The following KCNQ1 variants were observed in gnomAD, a reference collection of about 807,000 sequenced individuals.
KCNQ1 encodes potassium voltage-gated channel subfamily KQT member 1.
KCNQ1 carries 49 observed loss-of-function variants against 72.4 expected under a neutral mutation model. The ratio of observed to expected loss-of-function variants is 0.68; its 90% CI spans 0.54 to 0.86. The LOEUF (loss-of-function observed/expected upper bound fraction) is 0.86. KCNQ1 is among the 40% of genes least tolerant of loss of function. The probability of loss-of-function intolerance (pLI) is 0.00; values close to 1 mark genes in which losing one functional copy is unlikely to be tolerated. For missense variants in KCNQ1, 790 were observed against 945.1 expected (o/e 0.84, Z 2.15); for synonymous variants, 450 against 412.6 (o/e 1.09, Z -1.10).
chr11:2,687,618 C>G lies in KCNQ1; in HGVS notation c.1514+25537C>G, dbSNP rs566327231. ...AAAGGAAGGGGCAGAGATCCCTTCT[C>G]CATTCCTCTCAGGCCCCTGTAAAAA... On this transcript the variant is annotated intron_variant, in intron 11 of 15. Transcript: ENST00000155840. This position sits in a 1 kb window ranked among gnomAD's most constrained non-coding sequence, Gnocchi z 5.0. 2.5e-6 allele frequency: 1 copy of G among 398,770 alleles called. No homozygotes were observed. Among genetic ancestry groups the G allele is most frequent in the East Asian group, 3.6e-5 (1 of 28,078 alleles). The allele number at this position is 398,770 out of a possible 1,614,324, so 24.7% of individuals were successfully genotyped here.
chr11:2,461,885 G>C (rs557172112), intron 1 of KCNQ1: 2 of 469,416 alleles, frequency 4.3e-6, no homozygotes, highest in South Asian at 3.6e-5. Flanking sequence ...TGGGCAGGGA[G>C]AGAAATGGAT....
intron 1 of KCNQ1, among the ~76,000 whole-genome samples, chr11:2,469,346 T>C (rs1259019744): frequency 6.6e-6 from 1 of 152,054 alleles, no homozygotes; most frequent in African/African-American, 2.4e-5. Flanking sequence ...CTTGCTTGGC[T>C]CACTGCAACC....
At position 2,588,628 on chromosome 11, in the gene KCNQ1, G is replaced by A. The variant is rs1453968837; in HGVS notation, c.1252-85G>A. On this transcript the variant is annotated intron_variant, in intron 9 of 15. Transcript: ENST00000155840. This position sits in a 1 kb window ranked among gnomAD's most constrained non-coding sequence, Gnocchi z 5.6. ...GTATGTGGCGGGGGCTGGGCTCGGG[G>A]CGGCTGCACAGGCACTCTGGGGCCG... 3.2e-6 allele frequency: 5 copies of A among 1,558,284 alleles called. No homozygotes were observed. The highest frequency in any genetic ancestry group is 1.7e-5 in the Admixed American group (1 of 59,452).
intron 15 of KCNQ1, among the ~76,000 whole-genome samples, chr11:2,804,692 T>C (rs1246957392): frequency 6.6e-6 from 1 of 152,128 alleles, no homozygotes; most frequent in African/African-American, 2.4e-5. Flanking sequence ...GCAGCCACCA[T>C]TCTCCACACT....
intron 1 of KCNQ1, among the ~76,000 whole-genome samples, chr11:2,454,571 A>G (rs534507534): frequency 1.3e-5 from 2 of 152,336 alleles, no homozygotes; most frequent in Admixed American, 1.3e-4. Context: ...AGAGTGCTGC[A>G]TGGGAATTGC....
chr11:2,690,820 C>T lies in KCNQ1; in HGVS notation c.1514+28739C>T. The T allele has an allele frequency of 2.5e-6, 1 of 398,616 alleles. No homozygotes were observed. The allele number at this position is 398,616 out of a possible 1,614,324, so 24.7% of individuals were successfully genotyped here. On this transcript the variant is annotated intron_variant, in intron 11 of 15. Coordinates refer to ENST00000155840, the MANE Select transcript of KCNQ1 (RefSeq NM_000218.3). This position sits in a 1 kb window ranked among gnomAD's most constrained non-coding sequence, Gnocchi z 5.1. ...TCCCTGTCTCCTTGGCTTCCAGCTTCCAGGCTCTGGCACTCCCACTGTTAG... is the reference window on the plus strand; with the variant it reads ...TCCCTGTCTCCTTGGCTTCCAGCTTTCAGGCTCTGGCACTCCCACTGTTAG...
chr11:2,719,861 G>A (rs1053279486), intron 11 of KCNQ1, among the ~76,000 whole-genome samples: 9 of 152,316 alleles, frequency 5.9e-5, no homozygotes, highest in African/African-American at 2.4e-5. Context: ...GGAGGTGTCC[G>A]AATAGTCCAT....
chr11:2,781,112 T>A lies in KCNQ1; in HGVS notation c.1794+3075T>A, dbSNP rs540104785. ...AATGAGAGGGTTTGACTCCTGCTTG[T>A]GTCCTTAGGGTCAAAAGTCACAAAA... On this transcript the variant is annotated intron_variant, in intron 15 of 15. Coordinates refer to ENST00000155840, the MANE Select transcript of KCNQ1 (RefSeq NM_000218.3). This position sits in a 1 kb window ranked among gnomAD's most constrained non-coding sequence, Gnocchi z 6.6. Among the ~76,000 whole-genome samples the A allele has an allele frequency of 2.0e-5, 3 of 152,264 alleles. No homozygotes were observed. The South Asian group carries it at 6.2e-4, about 32-fold the overall frequency.
At position 2,581,386 on chromosome 11, in the gene KCNQ1, TCC is replaced by T. The variant is rs1480019536; in HGVS notation, c.922-2046_922-2045del. Among the ~76,000 whole-genome samples the T allele has an allele frequency of 5.9e-5, 9 of 152,278 alleles. No individual in the cohort carries two copies. The East Asian group carries it at 1.7e-3, about 29-fold the overall frequency. ...GCAGCCCTGTGTCTGCCTCTGCAACTCCCCACCCCAGTGCACCTGGGCCCTCT... is the reference window on the plus strand; with the variant it reads ...GCAGCCCTGTGTCTGCCTCTGCAACTCCACCCCAGTGCACCTGGGCCCTCT... On this transcript the variant is annotated intron_variant, in intron 6 of 15. Coordinates refer to ENST00000155840, the MANE Select transcript of KCNQ1 (RefSeq NM_000218.3).
At position 2,576,636 on chromosome 11, in the gene KCNQ1, T is replaced by C. The variant is rs1312856393; in HGVS notation, c.921+3650T>C. Among the ~76,000 whole-genome samples, 6 of 152,206 alleles carry C rather than the reference T, an allele frequency of 3.9e-5. No individual in the cohort carries two copies. In the East Asian group the frequency reaches 9.6e-4, roughly 24 times the overall value. ...GTCTGACTGCCTGCTGTTCACTCTC[T>C]CCTCACCTGGAGCCTCCAGAAATTC... On this transcript the variant is annotated intron_variant, in intron 6 of 15. Coordinates refer to ENST00000155840, the MANE Select transcript of KCNQ1 (RefSeq NM_000218.3).
At position 2,772,911 on chromosome 11, in the gene KCNQ1, C is replaced by T. The variant is rs1371172895; in HGVS notation, c.1591-3049C>T. On this transcript the variant is annotated intron_variant, in intron 12 of 15. Transcript: ENST00000155840. The surrounding 1 kb of genome is among the most constrained non-coding windows in gnomAD (Gnocchi z 6.6). Reference sequence around the variant, plus strand: ...GGAGGTGCCCCATGCTTCAGCTTCACAGAGCTCTGTGGTCTGCAGGAGGCT... The same window carrying T: ...GGAGGTGCCCCATGCTTCAGCTTCATAGAGCTCTGTGGTCTGCAGGAGGCT... 6.6e-6 allele frequency among the ~76,000 whole-genome samples: 1 copy of T among 152,212 alleles called. No homozygotes were observed. Among genetic ancestry groups the T allele is most frequent in the Non-Finnish European group, 1.5e-5 (1 of 68,028 alleles).
At chr11:2,618,307 C>G (rs1191600939) in intron 10 of KCNQ1, 2 of 398,254 alleles carry the variant, frequency 5.0e-6, no homozygotes, top group East Asian at 7.1e-5. Context: ...AGCTGATGGG[C>G]TAAAAAAATG....
At chr11:2,770,971 T>C (rs757084887) in intron 12 of KCNQ1, among the ~76,000 whole-genome samples, 7 of 152,204 alleles carry the variant, frequency 4.6e-5, no homozygotes, top group Non-Finnish European at 7.4e-5. Flanking sequence ...GGTGTGTCAG[T>C]TCGCTGGAGA....
rs973399165 is a variant in KCNQ1 at position 2,816,468 on chromosome 11, G to T, written c.1795-31299G>T. On this transcript the variant is annotated intron_variant, in intron 15 of 15. Coordinates refer to ENST00000155840, the MANE Select transcript of KCNQ1 (RefSeq NM_000218.3). This position sits in a 1 kb window ranked among gnomAD's most constrained non-coding sequence, Gnocchi z 6.8. Reference sequence around the variant, plus strand: ...CGCCCTGGAGCAGTAACACCCTTGGGACTGAGAATGGCTTCTGGGTTGTGC... The same window carrying T: ...CGCCCTGGAGCAGTAACACCCTTGGTACTGAGAATGGCTTCTGGGTTGTGC... 1.9e-4 allele frequency among the ~76,000 whole-genome samples: 29 copies of T among 152,176 alleles called. No homozygotes were observed. The highest frequency in any genetic ancestry group is 2.9e-4 in the Non-Finnish European group (20 of 68,022).
Position 2,659,563 on chromosome 11 carries a change from C to A in KCNQ1, c.1394-2398C>A. On this transcript the variant is annotated intron_variant, in intron 10 of 15. Transcript: ENST00000155840. This position sits in a 1 kb window ranked among gnomAD's most constrained non-coding sequence, Gnocchi z 4.3. ...GGTAATTATGAGCAGAGTTACTATA[C>A]ACATTTATGTACAGGTTTTTGCGAA... The A allele has an allele frequency of 2.5e-6, 1 of 398,554 alleles. No homozygotes were observed. The highest frequency in any genetic ancestry group is 4.4e-6 in the Non-Finnish European group (1 of 226,028). 24.7% of individuals were successfully genotyped at this position (398,554 alleles called of 1,614,324 possible). A position where few individuals can be genotyped will look rare whatever the true frequency, so the allele number is the denominator to read the frequency against.
In KCNQ1 at chr11:2,544,623, C is replaced by T. The variant is rs569379790; in HGVS notation, c.477+16605C>T. Among the ~76,000 whole-genome samples the T allele has an allele frequency of 1.3e-5, 2 of 152,210 alleles. No homozygotes were observed. Among genetic ancestry groups the T allele is most frequent in the South Asian group, 4.1e-4 (2 of 4,822 alleles). Reference sequence around the variant, plus strand: ...TATGCTATGGTCAATGGTATTTCTTCTAATCTAGAACTGAAATTCATTTTG... The same window carrying T: ...TATGCTATGGTCAATGGTATTTCTTTTAATCTAGAACTGAAATTCATTTTG... On this transcript the variant is annotated intron_variant, in intron 2 of 15. Transcript: ENST00000155840. The surrounding 1 kb of genome is among the most constrained non-coding windows in gnomAD (Gnocchi z 4.4).
chr11:2,623,965 G>A lies in KCNQ1; in HGVS notation c.1393+35111G>A, dbSNP rs1849219067. ...GAACCACCAAACTCTTCTCCACCAG[G>A]GCTGCACCACTTTACATTCCCATTA... On this transcript the variant is annotated intron_variant, in intron 10 of 15. Coordinates refer to ENST00000155840, the MANE Select transcript of KCNQ1 (RefSeq NM_000218.3). The surrounding 1 kb of genome is among the most constrained non-coding windows in gnomAD (Gnocchi z 5.2). 1 of 398,400 alleles carries A rather than the reference G, an allele frequency of 2.5e-6. No homozygotes were observed. Among genetic ancestry groups the A allele is most frequent in the Non-Finnish European group, 4.4e-6 (1 of 226,082 alleles). 24.7% of individuals were successfully genotyped at this position (398,400 alleles called of 1,614,324 possible). A position where few individuals can be genotyped will look rare whatever the true frequency, so the allele number is the denominator to read the frequency against.
rs975621899 is a variant in KCNQ1 at position 2,695,801 on chromosome 11, T to C, written c.1514+33720T>C. 4 of 398,680 alleles carry C rather than the reference T, an allele frequency of 1.0e-5. No individual in the cohort carries two copies. The highest frequency in any genetic ancestry group is 1.3e-4 in the South Asian group (1 of 7,866). 24.7% of individuals were successfully genotyped at this position (398,680 alleles called of 1,614,324 possible). ...TTTCTAATGCTTCTCCTATGAAGAA[T>C]AGCTGTTGCTTTCATTTACATTTCT... On this transcript the variant is annotated intron_variant, in intron 11 of 15. Coordinates refer to ENST00000155840, the MANE Select transcript of KCNQ1 (RefSeq NM_000218.3). This position sits in a 1 kb window ranked among gnomAD's most constrained non-coding sequence, Gnocchi z 5.2.
In KCNQ1 at chr11:2,831,101, C is replaced by T. The variant is rs115420433; in HGVS notation, c.1795-16666C>T. On this transcript the variant is annotated intron_variant, in intron 15 of 15. Coordinates refer to ENST00000155840, the MANE Select transcript of KCNQ1 (RefSeq NM_000218.3). Reference sequence around the variant, plus strand: ...TTTCTGGCCTCTGGCATGCAGAGGGCAGCCCTGCCTGCTTCCCAGTATGGC... The same window carrying T: ...TTTCTGGCCTCTGGCATGCAGAGGGTAGCCCTGCCTGCTTCCCAGTATGGC... 6.3e-3 allele frequency among the ~76,000 whole-genome samples: 967 copies of T among 152,334 alleles called. 12 individuals are homozygous for T. The highest frequency in any genetic ancestry group is 0.022 in the African/African-American group (903 of 41,574).
Sources: allele counts gnomAD v4.1 joint callset (sites outside exome capture counted in the v4.1 genomes callset), GRCh38; gene constraint gnomAD v4.1.1; non-coding constraint Gnocchi (gnomAD v3.1); transcripts MANE v1.5; gene names NCBI Gene and HGNC (gene_info 2026-07-23, HGNC 2026-07-21).